GAB3: variants seen among roughly 807,000 people sequenced by gnomAD.
The protein encoded by GAB3 is GRB2 associated binding protein 3.
A neutral mutation model predicts 40.4 loss-of-function variants in GAB3; 12 were observed. That is an observed-to-expected ratio of 0.30 (90% CI 0.19 to 0.48). The LOEUF is 0.48. Ranked by LOEUF, GAB3 falls within the 20% of genes least tolerant of loss-of-function variation. The pLI, the probability that GAB3 is intolerant of heterozygous loss-of-function variation, is 0.99. For missense variants in GAB3, 381 were observed against 461.9 expected, an observed-to-expected ratio of 0.82 and a Z score of 1.61; for synonymous variants, 154 against 176.7, an observed-to-expected ratio of 0.87 and a Z score of 1.02.
At chrX:154,740,790 C>T in intron 1 of GAB3, among the ~76,000 whole-genome samples, 1 of 112,258 alleles carries the variant, frequency 8.9e-6, no homozygotes, top group Non-Finnish European at 1.9e-5. Flanking sequence ...CAACAGAATT[C>T]TCACTTAAGC....
intron 8 of GAB3, among the ~76,000 whole-genome samples, chrX:154,686,543 C>G (rs2070452476): frequency 9.1e-6 from 1 of 110,429 alleles, no homozygotes; most frequent in African/African-American, 3.3e-5. Flanking sequence ...ATCTTCCTGT[C>G]TCAGCCTCCT....
At chrX:154,710,134 C>T (rs1557255272) in intron 4 of GAB3, among the ~76,000 whole-genome samples, 1 of 111,541 alleles carries the variant, frequency 9.0e-6, no homozygotes, top group African/African-American at 3.2e-5. Flanking sequence ...TGAATATGTG[C>T]AATCTTTATT....
upstream of GAB3, chrX:154,751,143 G>A (rs1603428822): frequency 1.5e-6 from 1 of 662,288 alleles, no homozygotes; most frequent in Non-Finnish European, 1.8e-6. Context: ...GCCCCGAGCG[G>A]CCGCTGCGAC....
intron 8 of GAB3, among the ~76,000 whole-genome samples, chrX:154,694,552 A>G (rs1557250182): frequency 9.1e-6 from 1 of 110,412 alleles, no homozygotes. Flanking sequence ...ACGCCTGGCT[A>G]ATTTTTTGTA....
At chrX:154,737,455 A>C (rs1389276848) in intron 1 of GAB3, among the ~76,000 whole-genome samples, 3 of 109,424 alleles carry the variant, frequency 2.7e-5, no homozygotes, top group Admixed American at 2.0e-4. Context: ...TACTCATCAC[A>C]CCCTCCTTGG....
chrX:154,676,883 T>G lies in GAB3; in HGVS notation c.*1295A>C, dbSNP rs1228825335. 8.9e-6 allele frequency: 1 copy of G among 111,734 alleles called. No individual in the cohort carries two copies. Among genetic ancestry groups the G allele is most frequent in the Non-Finnish European group, 1.9e-5 (1 of 53,101 alleles). The allele number at this position is 111,734 out of a possible 1,213,427, so 9.2% of individuals were successfully genotyped here. On this transcript the variant is annotated 3_prime_UTR_variant, in exon 10 of 10. Coordinates refer to ENST00000424127, the MANE Select transcript of GAB3 (RefSeq NM_001081573.3). ...CACTAAATAACACTTCATGCCCAAC[T>G]GACACCTTCATTCTGGGTCTCCTGG...
chrX:154,710,138 C>A (rs1337524617), intron 4 of GAB3, among the ~76,000 whole-genome samples: 1 of 111,567 alleles, frequency 9.0e-6, no homozygotes, highest in African/African-American at 3.2e-5. Context: ...TATGTGCAAT[C>A]TTTATTTGTC....
At chrX:154,695,779 T>C (rs1160776115) in intron 8 of GAB3, 138 bp downstream of exon 8, 1 of 372,678 alleles carries the variant, frequency 2.7e-6, no homozygotes, top group Non-Finnish European at 4.8e-6. Context: ...CTAGAAAAGC[T>C]TGTGGCCTGG....
At chrX:154,742,932 CTCAAAG>C (rs1263173262) in intron 1 of GAB3, among the ~76,000 whole-genome samples, 10 of 107,073 alleles carry the variant, frequency 9.3e-5, no homozygotes, top group African/African-American at 3.4e-4. Flanking sequence ...TATAAATTTA[CTCAAAG>C]TCAACCAACT....
intron 1 of GAB3, among the ~76,000 whole-genome samples, chrX:154,733,074 CA>C (rs2071313308): frequency 8.9e-6 from 1 of 112,389 alleles, no homozygotes; most frequent in Non-Finnish European, 1.9e-5. Flanking sequence ...TTATTGCTTA[CA>C]GTTCCAGACA....
At chrX:154,742,992 ATATATATATATAT>A (rs2071467172) in intron 1 of GAB3, among the ~76,000 whole-genome samples, 1 of 94,226 alleles carries the variant, frequency 1.1e-5, no homozygotes, top group Non-Finnish European at 2.2e-5. Flanking sequence ...GTACATATAT[ATATATATATATAT>A]ATATGTACAC....
At chrX:154,706,911 C>T (rs1557253753) in intron 4 of GAB3, among the ~76,000 whole-genome samples, 1 of 82,047 alleles carries the variant, frequency 1.2e-5, no homozygotes, top group Non-Finnish European at 2.4e-5. Flanking sequence ...CAGAATGAGA[C>T]CTTGTTTCTG....
intron 2 of GAB3, among the ~76,000 whole-genome samples, chrX:154,715,341 G>A (rs782209977): frequency 1.8e-5 from 2 of 111,099 alleles, no homozygotes; most frequent in African/African-American, 6.6e-5. Context: ...ATGAAGGGAA[G>A]TTAATTGTAA....
In GAB3 at chrX:154,713,390, G is replaced by A; in HGVS notation, c.413C>T (p.Ser138Phe). The A allele has an allele frequency of 8.3e-7, 1 of 1,209,155 alleles. No individual in the cohort carries two copies. Among genetic ancestry groups the A allele is most frequent in the Non-Finnish European group, 1.1e-6 (1 of 894,865 alleles). ...GGAGCTGGCAGAGGATGGCTGCAGG[G>A]AGGAGGGCGTGTAAGAGAGGCTCTC... ...SMESLSYTPS[S>F]LQPSSASSLL... Residue 138 changes from serine to phenylalanine, a missense_variant, in exon 3 of 10, where the codon TCC (serine) becomes TTC (phenylalanine). Ser to Phe is a radical substitution (Grantham distance 155, BLOSUM62 -2). Coordinates refer to ENST00000424127, the MANE Select transcript of GAB3 (RefSeq NM_001081573.3).
chrX:154,751,306 G>T (rs1358534270), upstream of GAB3, among the ~76,000 whole-genome samples: 8 of 101,161 alleles, frequency 7.9e-5, no homozygotes, highest in African/African-American at 2.9e-4. Flanking sequence ...GTGGGGGGGG[G>T]AGCCTACGCA....
intron 3 of GAB3, 62 bp from the exon 4 acceptor site, chrX:154,712,763 C>A: frequency 1.4e-6 from 1 of 710,143 alleles, no homozygotes; most frequent in Non-Finnish European, 2.0e-6. Context: ...ACAAAACCAA[C>A]GCTGGCCTCA....
chrX:154,751,512 G>C, upstream of GAB3: 1 of 752,246 alleles, frequency 1.3e-6, no homozygotes, highest in Non-Finnish European at 1.6e-6. Context: ...CATGTGCATA[G>C]TTCACGGAGA....
rs782795377 is a variant in GAB3 at position 154,713,208 on chromosome X, T to C, written c.595A>G (p.Ser199Gly). ...NCETGRLHHT[S>G]LPTRCDSWSN... ...ACAGAGTCCTGGGCATAAGCATACC[T>C]GGTATGGTGCAGTCTTCCAGTCTCG... Residue 199 changes from serine to glycine, a missense_variant and splice_region_variant, in exon 3 of 10, where the codon AGT becomes GGT. Physicochemically the swap from Ser to Gly is moderately conservative, Grantham distance 56. Around this residue, in one of 2 missense-constraint regions of GAB3, gnomAD observed 364 missense variants for 421.0 expected, o/e 0.86. Coordinates refer to ENST00000424127, the MANE Select transcript of GAB3 (RefSeq NM_001081573.3). 41 of 1,203,223 alleles carry C rather than the reference T, an allele frequency of 3.4e-5. No individual in the cohort carries two copies. Among genetic ancestry groups the C allele is most frequent in the Non-Finnish European group, 4.5e-5 (40 of 889,471 alleles).
intron 1 of GAB3, among the ~76,000 whole-genome samples, chrX:154,740,243 A>T (rs1557261055): frequency 8.9e-6 from 1 of 112,272 alleles, no homozygotes; most frequent in African/African-American, 3.2e-5. Flanking sequence ...GTATCTCCAC[A>T]TAGTGAAATA....
Sources: allele counts gnomAD v4.1 joint callset (sites outside exome capture counted in the v4.1 genomes callset), GRCh38; gene constraint gnomAD v4.1.1; regional missense constraint gnomAD v4.1.1; transcripts MANE v1.5; gene names NCBI Gene and HGNC (gene_info 2026-07-23, HGNC 2026-07-21).